The following KRT78 variants were observed in gnomAD, a reference collection of about 807,000 sequenced individuals.
KRT78 encodes keratin, type II cytoskeletal 78.
KRT78 carries 55 observed loss-of-function variants against 51.4 expected under a neutral mutation model. The observed-to-expected ratio is 1.07, with a 90% CI of 0.86 to 1.34. The LOEUF (loss-of-function observed/expected upper bound fraction) is 1.34, where lower values mean the gene tolerates loss of function less well. KRT78 is among the 40% of genes most tolerant of loss of function. The pLI is 0.00. For synonymous variants in KRT78, 291 were observed against 264.3 expected, an observed-to-expected ratio of 1.10 and a Z score of -0.98; for missense variants, 652 against 649.4, an observed-to-expected ratio of 1.00 and a Z score of -0.04.
Position 52,844,125 on chromosome 12 carries a change from G to A in KRT78, c.1015C>T (p.Leu339=), listed in dbSNP as rs763251399. The change falls in exon 6 of 9, where the codon CTG becomes TTG. Residue 339 remains leucine, a synonymous_variant. Transcript: ENST00000304620. ...ISQLHQEIQR[L]QSQTENLKKQ... ...TTGAGGTTCTCAGTCTGACTCTGCA[G>A]CCTCTGAATCTCTTGGTGTAGCTGA... 23 of 1,613,096 alleles carry A rather than the reference G, an allele frequency of 1.4e-5. No individual in the cohort carries two copies. The highest frequency in any genetic ancestry group is 1.6e-4 in the Middle Eastern group (1 of 6,076).
At chr12:52,845,963 A>T (rs893643285) in intron 4 of KRT78, 52 of 522,434 alleles carry the variant, frequency 1.0e-4, no homozygotes, top group Non-Finnish European at 9.1e-5. Flanking sequence ...AAAAAAAAAA[A>T]AAAGCAATTT....
intron 1 of KRT78, 107 bp from the exon 2 acceptor site, chr12:52,848,228 TCCCCCTGCCCAACC>T: frequency 6.5e-7 from 1 of 1,546,244 alleles, no homozygotes; most frequent in East Asian, 2.4e-5. Context: ...CTTTCCCCTG[TCCCCCTGCCCAACC>T]TGGGCAGGGG....
rs770387975 is a variant in KRT78, at chr12:52,839,116, G to C, written c.1560C>G (p.Tyr520Ter). The change falls in exon 9 of 9, where the codon TAC becomes TAG. Residue 520 changes from tyrosine (Y) to a stop codon, truncating the protein, a stop_gained. Transcript: ENST00000304620. LOFTEE classifies it high-confidence loss of function. ...AAGGAGGTGGCTGCTGGGTCGCTCA[G>C]TAGGTGATGGATGTCTTCAGACTCG... ...VESSLKTSIT[Y>*] The C allele has an allele frequency of 2.1e-5, 34 of 1,612,558 alleles. No homozygotes were observed. In the South Asian group the frequency reaches 3.5e-4, roughly 17 times the overall value.
At chr12:52,839,398 G>C in intron 8 of KRT78, 26 bp from the exon 9 acceptor site, 1 of 1,612,756 alleles carries the variant, frequency 6.2e-7, no homozygotes, top group African/African-American at 1.3e-5. Flanking sequence ...CCGGGTCAGA[G>C]CAGGGTCATC....
chr12:52,842,950 AGAGAGAGAGAGGAAGGAAGGAAGG>A lies in KRT78; in HGVS notation c.1047+1119_1047+1142del, dbSNP rs1378962049. Among the ~76,000 whole-genome samples, 931 of 110,746 alleles carry A rather than the reference AGAGAGAGAGAGGAAGGAAGGAAGG, an allele frequency of 8.4e-3. 40 individuals carry two copies. Among genetic ancestry groups the A allele is most frequent in the African/African-American group, 0.042 (858 of 20,288 alleles). 72.7% of individuals were successfully genotyped at this position (110,746 alleles called of 152,430 possible). A position where few individuals can be genotyped will look rare whatever the true frequency, so the allele number is the denominator to read the frequency against. On this transcript the variant is annotated intron_variant, in intron 6 of 8. Coordinates refer to ENST00000304620, the MANE Select transcript of KRT78 (RefSeq NM_173352.4). ...AGGAAAGAAAGAAAGAGAGAGAGAG[AGAGAGAGAGAGGAAGGAAGGAAGG>A]AAGGAAGGAAGGAAGGAAGGAAGGA...
chr12:52,844,320 G>A, intron 5 of KRT78, 102 bp from the exon 6 acceptor site: 7 of 1,390,778 alleles, frequency 5.0e-6, no homozygotes, highest in Non-Finnish European at 6.8e-6. Flanking sequence ...TTTGGAGTGT[G>A]GGTTAAACGC....
intron 6 of KRT78, among the ~76,000 whole-genome samples, chr12:52,842,978 G>A (rs1203356701): frequency 3.0e-4 from 22 of 72,852 alleles, no homozygotes; most frequent in African/African-American, 1.6e-3. Flanking sequence ...AGGAAGGAAG[G>A]AAGGAAGGAA....
At chr12:52,844,953 T>C (rs377764512) in intron 4 of KRT78, among the ~76,000 whole-genome samples, 2 of 151,746 alleles carry the variant, frequency 1.3e-5, no homozygotes, top group East Asian at 3.9e-4. Flanking sequence ...TAATGGAAAA[T>C]GGCCTGCAAG....
intron 6 of KRT78, among the ~76,000 whole-genome samples, chr12:52,842,973 GGA>G (rs1565698772): frequency 2.8e-4 from 19 of 68,472 alleles, no homozygotes; most frequent in African/African-American, 1.5e-3. Flanking sequence ...AAGGAAGGAA[GGA>G]AGGAAGGAAG....
intron 6 of KRT78, among the ~76,000 whole-genome samples, chr12:52,842,762 A>T (rs1375913348): frequency 6.7e-6 from 1 of 149,294 alleles, no homozygotes; most frequent in Admixed American, 6.7e-5. Flanking sequence ...TACTAAAAAT[A>T]CAAAAATTAG....
chr12:52,839,842 TGGTACTCGCACA>T lies in KRT78; in HGVS notation c.1178_1189del (p.Leu393_Tyr396del), dbSNP rs758464895. On this transcript the variant is annotated inframe_deletion, in exon 7 of 9. Coordinates refer to ENST00000304620, the MANE Select transcript of KRT78 (RefSeq NM_173352.4). ...GGAAAGCTTCGTGCTCGTCAGCTCC[TGGTACTCGCACA>T]GCAGCCGGGCCAGGTTCTGCTTGGC... 9 of 1,613,952 alleles carry T rather than the reference TGGTACTCGCACA, an allele frequency of 5.6e-6. No homozygotes were observed. In the Admixed American group the frequency reaches 1.5e-4, roughly 27 times the overall value.
intron 6 of KRT78, among the ~76,000 whole-genome samples, chr12:52,841,517 T>G (rs1366527593): frequency 1.3e-5 from 2 of 152,018 alleles, no homozygotes. Flanking sequence ...TATAATCCTT[T>G]TACTTACAAT....
intron 2 of KRT78, 145 bp from the exon 3 acceptor site, chr12:52,846,969 T>C (rs1472849719): frequency 1.1e-5 from 7 of 642,332 alleles, no homozygotes; most frequent in Non-Finnish European, 1.9e-5. Flanking sequence ...TCTCCTTTCC[T>C]GCCACGTCCT....
In KRT78 at chr12:52,846,776, C is replaced by T. The variant is rs773572088; in HGVS notation, c.648G>A (p.Val216=). ...CCCCCACCCTCACCTTCTTGAGGAC[C>T]ACAAAGTCGTTCTCAAGTGTGGCAC... The part of the protein sequence containing the change: ...HRRATLENDF[V]VLKKDVDGVF... The change falls in exon 3 of 9, where the codon GTG becomes GTA. Residue 216 remains valine, a synonymous_variant. Coordinates refer to ENST00000304620, the MANE Select transcript of KRT78 (RefSeq NM_173352.4). The T allele has an allele frequency of 6.8e-6, 11 of 1,613,626 alleles. No homozygotes were observed. The highest frequency in any genetic ancestry group is 1.7e-5 in the Admixed American group (1 of 59,942).
At chr12:52,841,486 C>CA (rs56956757) in intron 6 of KRT78, among the ~76,000 whole-genome samples, 7,031 of 98,408 alleles carry the variant, frequency 0.071, 241 homozygotes, top group Admixed American at 0.18. Flanking sequence ...GACTCCTTCT[C>CA]AAAAAAAAAA....
chr12:52,839,793 G>C lies in KRT78; in HGVS notation c.1239C>G (p.Tyr413Ter). 6.2e-7 allele frequency: 1 copy of C among 1,614,012 alleles called. No individual in the cohort carries two copies. Reference sequence around the variant, plus strand: ...ACTCCTCGCCCTCCAGCAGCCTGCGGTAAGTGGCAATCTCCACATCCAGGG... The same window carrying C: ...ACTCCTCGCCCTCCAGCAGCCTGCGCTAAGTGGCAATCTCCACATCCAGGG... ...KLSLDVEIAT[Y>*]RRLLEGEECR... Residue 413 changes from tyrosine to a stop codon, truncating the protein, a stop_gained, in exon 7 of 9, where the codon TAC (tyrosine) becomes TAG (stop). Transcript: ENST00000304620. LOFTEE classifies it high-confidence loss of function.
Position 52,846,310 on chromosome 12 carries a change from G to C in KRT78, c.661-18C>G, listed in dbSNP as rs2120423777. On this transcript the variant is annotated intron_variant, in intron 3 of 8. Coordinates refer to ENST00000304620, the MANE Select transcript of KRT78 (RefSeq NM_173352.4). ...TCCACATCCTGGAGACAAGGGGAGA[G>C]AGAACACGTAACCCCCTCTTCCTCT... 1.3e-6 allele frequency: 2 copies of C among 1,495,378 alleles called. No individual in the cohort carries two copies. Among genetic ancestry groups the C allele is most frequent in the Non-Finnish European group, 1.9e-6 (2 of 1,071,708 alleles). The allele number at this position is 1,495,378 out of a possible 1,614,324, so 92.6% of individuals were successfully genotyped here.
At chr12:52,842,775 G>T (rs1289177033) in intron 6 of KRT78, among the ~76,000 whole-genome samples, 1 of 150,202 alleles carries the variant, frequency 6.7e-6, no homozygotes, top group Non-Finnish European at 1.5e-5. Context: ...AAAATTAGCC[G>T]GGTGTGGTGG....
At position 52,839,079 on chromosome 12, in the gene KRT78, A is replaced by G. The variant is rs1242781347; in HGVS notation, c.*34T>C. The G allele has an allele frequency of 6.3e-7, 1 of 1,598,332 alleles. No homozygotes were observed. The stretch of plus-strand genomic sequence containing the variant: ...GCCGGCTGATGGGGGGAGTGGGCCA[A>G]ATGTGTTCAGGAAGGAGGTGGCTGC... On this transcript the variant is annotated 3_prime_UTR_variant, in exon 9 of 9. Coordinates refer to ENST00000304620, the MANE Select transcript of KRT78 (RefSeq NM_173352.4).
Sources: gnomAD v4.1 joint callset for allele counts (sites outside exome capture counted in the v4.1 genomes callset) on GRCh38, gnomAD v4.1.1 for gene constraint, MANE v1.5 for transcripts, NCBI Gene and HGNC (gene_info 2026-07-23, HGNC 2026-07-21) for gene names.